Variants in INSL6 observed in about 807,000 individuals in gnomAD.
INSL6 encodes insulin like 6.
Under a neutral mutation model 9.4 loss-of-function variants are expected in INSL6, and 16 were observed. The ratio of observed to expected loss-of-function variants is 1.70; its 90% CI spans 1.15 to 2.59. The LOEUF (loss-of-function observed/expected upper bound fraction) is 2.59. Among genes scored for constraint, INSL6 ranks in the 30% most tolerant of loss-of-function variants. INSL6 has a pLI of 0.00. For missense variants in INSL6, 391 were observed against 257.3 expected (o/e 1.52, Z -3.56); for synonymous variants, 154 against 96.9 (o/e 1.59, Z -3.46).
the INSL6 span, among the ~76,000 whole-genome samples, chr9:5,020,081 G>A: frequency 6.6e-6 from 1 of 152,152 alleles, no homozygotes; most frequent in African/African-American, 2.4e-5. Flanking sequence ...GGGTCCACAG[G>A]CCCCTGGGCA....
chr9:5,047,033 T>C, the INSL6 span, among the ~76,000 whole-genome samples: 3 of 152,214 alleles, frequency 2.0e-5, no homozygotes, highest in East Asian at 1.9e-4. Context: ...CTAGGAAGGA[T>C]TGTCTTATCT....
the INSL6 span, among the ~76,000 whole-genome samples, chr9:5,000,803 G>A: frequency 6.6e-6 from 1 of 152,076 alleles, no homozygotes; most frequent in Admixed American, 6.6e-5. Context: ...AGTAAGAACT[G>A]GATAAAGAAG....
chr9:5,090,786 A>C, the INSL6 span: 2 of 1,613,326 alleles, frequency 1.2e-6, no homozygotes, highest in Non-Finnish European at 1.7e-6. Flanking sequence ...GGGATCTGGC[A>C]ACGAGAAATA....
At chr9:5,003,632 C>T in the INSL6 span, among the ~76,000 whole-genome samples, 1 of 152,042 alleles carries the variant, frequency 6.6e-6, no homozygotes, top group South Asian at 2.1e-4. Flanking sequence ...CCTACATATA[C>T]AGACATGTCC....
the INSL6 span, chr9:5,114,075 C>A: frequency 2.9e-6 from 1 of 341,564 alleles, no homozygotes. Flanking sequence ...CAAGCTCACC[C>A]TCACCCAGAA....
intron 3 of INSL6, among the ~76,000 whole-genome samples, chr9:5,132,626 G>A (rs914068042): frequency 6.6e-6 from 1 of 151,590 alleles, no homozygotes; most frequent in Non-Finnish European, 1.5e-5. Context: ...CATCAATACT[G>A]ACAGTGCAAG....
chr9:5,092,934 G>GA, the INSL6 span, among the ~76,000 whole-genome samples: 1 of 152,278 alleles, frequency 6.6e-6, no homozygotes, highest in East Asian at 1.9e-4. Flanking sequence ...CCTTCCTACA[G>GA]AGAGTACAAA....
At chr9:5,139,665 T>G (rs181553822) in intron 2 of INSL6, among the ~76,000 whole-genome samples, 1 of 152,170 alleles carries the variant, frequency 6.6e-6, no homozygotes. Context: ...GTTGAAACCA[T>G]TTATGAGCTA....
At chr9:5,027,624 T>G in the INSL6 span, among the ~76,000 whole-genome samples, 1 of 152,190 alleles carries the variant, frequency 6.6e-6, no homozygotes, top group African/African-American at 2.4e-5. Context: ...TTGATAGCAT[T>G]TTACCCGCAG....
intron 2 of INSL6, among the ~76,000 whole-genome samples, chr9:5,153,596 A>AT (rs1824757256): frequency 6.6e-6 from 1 of 152,208 alleles, no homozygotes; most frequent in African/African-American, 2.4e-5. Context: ...TCAGCCCAAA[A>AT]TCTCCTTAAG....
At chr9:5,072,339 G>A in the INSL6 span, among the ~76,000 whole-genome samples, 1 of 152,174 alleles carries the variant, frequency 6.6e-6, no homozygotes, top group South Asian at 2.1e-4. Context: ...CAGAATAAAA[G>A]CATTAATTTG....
At chr9:5,177,658 AC>A (rs1825341757) in intron 1 of INSL6, among the ~76,000 whole-genome samples, 1 of 152,136 alleles carries the variant, frequency 6.6e-6, no homozygotes, top group Non-Finnish European at 1.5e-5. Flanking sequence ...ACAAATTAAG[AC>A]CTGATTTGGA....
chr9:5,070,492 G>C, the INSL6 span, among the ~76,000 whole-genome samples: 1 of 152,118 alleles, frequency 6.6e-6, no homozygotes. Flanking sequence ...AGTGGAACCT[G>C]TGGATATGAA....
At position 5,185,634 on chromosome 9, in the gene INSL6, T is replaced by C. The variant is rs1407444005; in HGVS notation, c.-32A>G. ...GACCCCAGGCTAGTCCTCCGCGTTG[T>C]GCAATGGCGGTCGGCCGGACCCTGC... On this transcript the variant is annotated 5_prime_UTR_variant, in exon 1 of 2. Transcript: ENST00000381641. 6.3e-7 allele frequency: 1 copy of C among 1,590,426 alleles called. No individual in the cohort carries two copies. Among genetic ancestry groups the C allele is most frequent in the East Asian group, 2.3e-5 (1 of 43,962 alleles).
At chr9:4,993,879 A>G in the INSL6 span, among the ~76,000 whole-genome samples, 1 of 152,184 alleles carries the variant, frequency 6.6e-6, no homozygotes. Flanking sequence ...CGGGTGCTCC[A>G]ATTTCCTCCC....
the INSL6 span, among the ~76,000 whole-genome samples, chr9:5,015,620 G>A: frequency 6.6e-6 from 1 of 151,316 alleles, no homozygotes; most frequent in Non-Finnish European, 1.5e-5. Context: ...TGCTCACTGC[G>A]GCCTCGGTCT....
chr9:5,022,995 G>T, the INSL6 span, among the ~76,000 whole-genome samples: 1 of 152,076 alleles, frequency 6.6e-6, no homozygotes, highest in Non-Finnish European at 1.5e-5. Flanking sequence ...ACCATTAACT[G>T]TAAGTTGGAG....
At chr9:4,993,848 C>T in the INSL6 span, among the ~76,000 whole-genome samples, 1 of 152,190 alleles carries the variant, frequency 6.6e-6, no homozygotes, top group Admixed American at 6.5e-5. Flanking sequence ...GACATTCTCC[C>T]CACGTCTGTG....
chr9:5,049,482 C>G, the INSL6 span, among the ~76,000 whole-genome samples: 127 of 152,270 alleles, frequency 8.3e-4, no homozygotes, highest in African/African-American at 2.8e-3. Flanking sequence ...TATTTTTAAA[C>G]ACACTGTGAA....
Sources: allele counts gnomAD v4.1 joint callset (sites outside exome capture counted in the v4.1 genomes callset), GRCh38; gene constraint gnomAD v4.1.1; transcripts MANE v1.5; gene names NCBI Gene and HGNC (gene_info 2026-07-23, HGNC 2026-07-21).